The following KSR1 variants were observed in gnomAD, a reference collection of about 807,000 sequenced individuals.
KSR1 encodes the protein kinase suppressor of ras.
In KSR1, 35 loss-of-function variants were observed where a neutral mutation model predicts 92.9. The observed-to-expected ratio is 0.38, with a 90% CI of 0.29 to 0.50. The LOEUF (loss-of-function observed/expected upper bound fraction) is 0.50, where lower values mean the gene tolerates loss of function less well. Among genes scored for constraint, KSR1 ranks in the 20% least tolerant of loss-of-function variants. The pLI is 0.94. For synonymous variants in KSR1, 467 were observed against 472.6 expected (o/e 0.99, Z 0.15); for missense variants, 972 against 1,158.5 (o/e 0.84, Z 2.34).
chr17:27,551,436 T>C (rs1567818447), intron 2 of KSR1, among the ~76,000 whole-genome samples: 1 of 152,204 alleles, frequency 6.6e-6, no homozygotes, highest in Non-Finnish European at 1.5e-5. Flanking sequence ...ATTGAAAATA[T>C]TGGCTTTTGC....
chr17:27,618,875 A>G (rs1215329845), intron 19 of KSR1, among the ~76,000 whole-genome samples: 3 of 152,244 alleles, frequency 2.0e-5, no homozygotes, highest in Non-Finnish European at 4.4e-5. Context: ...ATTTTTGTAT[A>G]CATAGAGATG....
At chr17:27,523,402 G>GAAAA (rs2070122809) in intron 1 of KSR1, among the ~76,000 whole-genome samples, 1 of 150,656 alleles carries the variant, frequency 6.6e-6, no homozygotes, top group Non-Finnish European at 1.5e-5. Flanking sequence ...AAAAAAAAAG[G>GAAAA]AAAGATACCA....
At chr17:27,539,396 A>G (rs2070874833) in intron 1 of KSR1, among the ~76,000 whole-genome samples, 3 of 152,146 alleles carry the variant, frequency 2.0e-5, no homozygotes. Flanking sequence ...CTCCCAGCAG[A>G]AGCACCGAGC....
At chr17:27,526,669 G>T in intron 1 of KSR1, 1 of 1,546,932 alleles carries the variant, frequency 6.5e-7, no homozygotes, top group Non-Finnish European at 8.9e-7. Flanking sequence ...TGCTCATGTA[G>T]TTTTTATTGG....
intron 3 of KSR1, among the ~76,000 whole-genome samples, chr17:27,581,979 CTCG>C (rs1458164342): frequency 1.3e-5 from 2 of 152,184 alleles, no homozygotes; most frequent in African/African-American, 4.8e-5. Flanking sequence ...AGAATAGCCC[CTCG>C]TCCCAATGTT....
chr17:27,465,612 C>T (rs1209168708), intron 1 of KSR1: 7 of 152,094 alleles, frequency 4.6e-5, no homozygotes, highest in Non-Finnish European at 1.5e-5. Flanking sequence ...GTGGACTATG[C>T]CAGCTATGAT....
intron 1 of KSR1, among the ~76,000 whole-genome samples, chr17:27,506,272 A>G (rs2069377933): frequency 6.6e-6 from 1 of 152,214 alleles, no homozygotes; most frequent in South Asian, 2.1e-4. Context: ...ATCTTGCTTA[A>G]GTGAATTTTA....
chr17:27,460,208 T>C (rs9303651), intron 1 of KSR1, among the ~76,000 whole-genome samples: 65,091 of 151,928 alleles, frequency 0.43, 14,052 homozygotes, highest in East Asian at 0.64. Context: ...TTGGCCTGCC[T>C]AATAGCTGGG....
intron 2 of KSR1, among the ~76,000 whole-genome samples, chr17:27,567,256 G>A (rs1293393127): frequency 6.6e-6 from 1 of 152,128 alleles, no homozygotes; most frequent in Non-Finnish European, 1.5e-5. Flanking sequence ...GGTGTCGCTG[G>A]TGACGTGGGA....
At chr17:27,621,338 CCTTT>C in intron 20 of KSR1, 65 bp downstream of exon 20, 1 of 398,556 alleles carries the variant, frequency 2.5e-6, no homozygotes, top group Non-Finnish European at 4.4e-6. Flanking sequence ...AGCCCTGCTT[CCTTT>C]CTGTCGCCGC....
chr17:27,544,572 G>A (rs2071091244), intron 1 of KSR1, among the ~76,000 whole-genome samples: 1 of 152,204 alleles, frequency 6.6e-6, no homozygotes, highest in Admixed American at 6.5e-5. Context: ...GGGCTGGGGT[G>A]GGCCCACAGT....
intron 1 of KSR1, chr17:27,527,124 A>G (rs778459005): frequency 2.1e-5 from 7 of 340,648 alleles, no homozygotes; most frequent in Admixed American, 1.1e-4. Context: ...CTTTTCTTAC[A>G]TTCCAGCACA....
chr17:27,603,913 C>T, intron 12 of KSR1, 25 bp downstream of exon 12: 1 of 1,611,798 alleles, frequency 6.2e-7, no homozygotes, highest in Non-Finnish European at 8.5e-7. Flanking sequence ...GTGGTGTCCC[C>T]TTCGCTTCTT....
intron 1 of KSR1, among the ~76,000 whole-genome samples, chr17:27,499,329 C>T (rs2069097094): frequency 6.6e-6 from 1 of 152,184 alleles, no homozygotes; most frequent in Non-Finnish European, 1.5e-5. Flanking sequence ...TTCCTGGGCA[C>T]TTGGGAACCT....
chr17:27,462,951 C>T (rs2019519127), intron 1 of KSR1, among the ~76,000 whole-genome samples: 1 of 152,236 alleles, frequency 6.6e-6, no homozygotes, highest in African/African-American at 2.4e-5. Context: ...ATTGTGTGGT[C>T]ATACCACAAA....
chr17:27,470,170 C>G (rs1186560663), intron 1 of KSR1, among the ~76,000 whole-genome samples: 1 of 150,874 alleles, frequency 6.6e-6, no homozygotes, highest in African/African-American at 2.4e-5. Flanking sequence ...ATCCTTCTGT[C>G]TCACCCTCCT....
chr17:27,519,345 A>G (rs1453270646), intron 1 of KSR1, among the ~76,000 whole-genome samples: 4 of 152,102 alleles, frequency 2.6e-5, no homozygotes, highest in Non-Finnish European at 4.4e-5. Flanking sequence ...GGTTGAATCA[A>G]CTGCTCCCTT....
intron 2 of KSR1, among the ~76,000 whole-genome samples, chr17:27,566,201 T>C (rs2945400): frequency 0.7 from 105,698 of 151,938 alleles, 36,833 homozygotes; most frequent in Admixed American, 0.75. Context: ...TTGGTGGCCT[T>C]GCATCCTGGA....
chr17:27,518,718 G>C (rs186619573), intron 1 of KSR1, among the ~76,000 whole-genome samples: 32 of 152,322 alleles, frequency 2.1e-4, no homozygotes, highest in African/African-American at 6.3e-4. Flanking sequence ...AAAGCTTAAG[G>C]CTGCGATGCT....
Sources: gnomAD v4.1 joint callset for allele counts (sites outside exome capture counted in the v4.1 genomes callset) on GRCh38, gnomAD v4.1.1 for gene constraint, MANE v1.5 for transcripts, NCBI Gene and HGNC (gene_info 2026-07-23, HGNC 2026-07-21) for gene names.